Variants in CDS1 observed in about 807,000 individuals in gnomAD.
The protein encoded by CDS1 is phosphatidate cytidylyltransferase 1.
A neutral mutation model predicts 62.1 loss-of-function variants in CDS1; 41 were observed. The ratio of observed to expected loss-of-function variants is 0.66; its 90% CI spans 0.51 to 0.86. CDS1 has a LOEUF of 0.86. Among genes scored for constraint, CDS1 ranks in the 40% least tolerant of loss-of-function variants. CDS1 has a pLI of 0.00. For synonymous variants in CDS1, 185 were observed against 192.6 expected (o/e 0.96, Z 0.32); for missense variants, 470 against 550.1 (o/e 0.85, Z 1.46).
At chr4:84,646,327 AT>A (rs763375158) in intron 12 of CDS1, among the ~76,000 whole-genome samples, 29 of 151,698 alleles carry the variant, frequency 1.9e-4, no homozygotes, top group Non-Finnish European at 3.7e-4. Context: ...TACCTCATTG[AT>A]TTCTCCTCTC....
intron 1 of CDS1, among the ~76,000 whole-genome samples, chr4:84,594,699 C>T (rs183606325): frequency 6.6e-6 from 1 of 152,040 alleles, no homozygotes; most frequent in Non-Finnish European, 1.5e-5. Context: ...CATCAGCATA[C>T]CTAGGACTTA....
chr4:84,607,320 G>A (rs1434511027), intron 2 of CDS1, among the ~76,000 whole-genome samples: 1 of 151,442 alleles, frequency 6.6e-6, no homozygotes, highest in Non-Finnish European at 1.5e-5. Context: ...ATCTTGCTCT[G>A]CCACCCAGGC....
intron 2 of CDS1, among the ~76,000 whole-genome samples, chr4:84,606,574 C>T (rs973805214): frequency 1.3e-5 from 2 of 152,108 alleles, no homozygotes; most frequent in African/African-American, 4.8e-5. Flanking sequence ...TTAAAAATAC[C>T]TCTACATTAA....
chr4:84,592,091 A>G (rs903015700), intron 1 of CDS1, among the ~76,000 whole-genome samples: 2 of 151,676 alleles, frequency 1.3e-5, no homozygotes, highest in Non-Finnish European at 2.9e-5. Context: ...TTATTTAATG[A>G]GAATGACATC....
chr4:84,584,288 A>G (rs1025162292), intron 1 of CDS1, among the ~76,000 whole-genome samples: 1 of 152,244 alleles, frequency 6.6e-6, no homozygotes, highest in African/African-American at 2.4e-5. Context: ...TAGTGGTGCA[A>G]GTAAGAACTT....
At chr4:84,624,307 A>T (rs1005559026) in intron 5 of CDS1, among the ~76,000 whole-genome samples, 2 of 148,390 alleles carry the variant, frequency 1.3e-5, no homozygotes, top group African/African-American at 5.0e-5. Context: ...AAAAAAAACT[A>T]GTTTTTTTTT....
chr4:84,643,621 T>A (rs3789144), intron 11 of CDS1, among the ~76,000 whole-genome samples: 29,569 of 152,196 alleles, frequency 0.19, 3,089 homozygotes, highest in South Asian at 0.37. Flanking sequence ...CTATCAAAGC[T>A]TCTCAACCCT....
intron 2 of CDS1, among the ~76,000 whole-genome samples, chr4:84,607,442 G>A (rs1316838997): frequency 3.7e-5 from 1 of 26,960 alleles, no homozygotes; most frequent in Non-Finnish European, 7.6e-5. Flanking sequence ...CACTCCCCCC[G>A]CCCCTCAGTA....
chr4:84,609,798 C>A (rs11939816), intron 3 of CDS1, among the ~76,000 whole-genome samples: 11,359 of 152,076 alleles, frequency 0.075, 743 homozygotes, highest in African/African-American at 0.18. Context: ...CATATTTTAT[C>A]AAAGATATGA....
At chr4:84,589,603 T>C (rs570149082) in intron 1 of CDS1, among the ~76,000 whole-genome samples, 15 of 152,358 alleles carry the variant, frequency 9.8e-5, no homozygotes, top group African/African-American at 3.6e-4. Flanking sequence ...GCTTTTATCA[T>C]GCACAGCATA....
At chr4:84,620,158 T>G (rs569883107) in intron 5 of CDS1, among the ~76,000 whole-genome samples, 219 of 151,780 alleles carry the variant, frequency 1.4e-3, no homozygotes, top group Non-Finnish European at 2.7e-3. Flanking sequence ...ACATATATAT[T>G]GCTTTATTTG....
Position 84,638,999 on chromosome 4 carries a change from A to T in CDS1, c.879+7A>T. 1 of 1,432,664 alleles carries T rather than the reference A, an allele frequency of 7.0e-7. No homozygotes were observed. Among genetic ancestry groups the T allele is most frequent in the Non-Finnish European group, 9.6e-7 (1 of 1,044,174 alleles). The allele number at this position is 1,432,664 out of a possible 1,614,324, so 88.7% of individuals were successfully genotyped here. On this transcript the variant is annotated splice_region_variant and intron_variant, in intron 9 of 12. Transcript: ENST00000295887. ...AGTTGTGTTTGGATTCATTGTGAGTATTACTAAGATTTTTATTTTGTATAC... is the reference window on the plus strand; with the variant it reads ...AGTTGTGTTTGGATTCATTGTGAGTTTTACTAAGATTTTTATTTTGTATAC...
At chr4:84,600,659 C>G (rs977134584) in intron 1 of CDS1, among the ~76,000 whole-genome samples, 1 of 152,164 alleles carries the variant, frequency 6.6e-6, no homozygotes, top group African/African-American at 2.4e-5. Context: ...TCTATTTTGT[C>G]AATACCACAT....
At chr4:84,630,932 A>G (rs1322582441) in intron 5 of CDS1, among the ~76,000 whole-genome samples, 4 of 152,192 alleles carry the variant, frequency 2.6e-5, no homozygotes, top group African/African-American at 9.6e-5. Context: ...GTTTACTGGT[A>G]TTTTTGGCAA....
At chr4:84,634,819 A>G (rs558312847) in intron 7 of CDS1, among the ~76,000 whole-genome samples, 1 of 152,320 alleles carries the variant, frequency 6.6e-6, no homozygotes, top group East Asian at 1.9e-4. Context: ...GCTAAGATAG[A>G]ATTAAAATTA....
Position 84,640,996 on chromosome 4 carries a change from G to A in CDS1, c.1032+6G>A. On this transcript the variant is annotated splice_donor_region_variant and intron_variant, in intron 10 of 12. Transcript: ENST00000295887. ...TAAAGGCAGTCTTGAGACAGGTACA[G>A]TAAAAGTTCAAGATAAACATGGTTA... 4.5e-6 allele frequency: 7 copies of A among 1,541,060 alleles called. No individual in the cohort carries two copies. Among genetic ancestry groups the A allele is most frequent in the Non-Finnish European group, 6.1e-6 (7 of 1,144,900 alleles).
Position 84,583,529 on chromosome 4 carries a change from C to G in CDS1, c.117+11C>G, listed in dbSNP as rs1228859146. 3 of 1,468,742 alleles carry G rather than the reference C, an allele frequency of 2.0e-6. No homozygotes were observed. In the African/African-American group the frequency reaches 4.4e-5, roughly 22 times the overall value. The allele number at this position is 1,468,742 out of a possible 1,614,324, so 91.0% of individuals were successfully genotyped here. Reference sequence around the variant, plus strand: ...AGCACCAGCGACAAAGTAAGTGGAGCCGAGAGAGGCGGACGCCGCGCCCTG... The same window carrying G: ...AGCACCAGCGACAAAGTAAGTGGAGGCGAGAGAGGCGGACGCCGCGCCCTG... On this transcript the variant is annotated intron_variant, in intron 1 of 12. Transcript: ENST00000295887.
rs913301559 is a variant in CDS1 at position 84,595,147 on chromosome 4, C to T, written c.118-9096C>T. On this transcript the variant is annotated intron_variant, in intron 1 of 12. Coordinates refer to ENST00000295887, the MANE Select transcript of CDS1 (RefSeq NM_001263.4). The stretch of plus-strand genomic sequence containing the variant: ...AAGAGGGAGAGTCCAGTAGCAGCCT[C>T]AGATGACTGGCTAAAGGTGATAAAA... Among the ~76,000 whole-genome samples the T allele has an allele frequency of 5.9e-5, 9 of 152,272 alleles. No homozygotes were observed. In the South Asian group the frequency reaches 1.2e-3, roughly 21 times the overall value.
chr4:84,585,590 T>C (rs1272151772), intron 1 of CDS1, among the ~76,000 whole-genome samples: 1 of 152,208 alleles, frequency 6.6e-6, no homozygotes, highest in Admixed American at 6.5e-5. Context: ...AAGGCAAAAC[T>C]CTTGGGGAAT....
Sources: allele counts gnomAD v4.1 joint callset (sites outside exome capture counted in the v4.1 genomes callset), GRCh38; gene constraint gnomAD v4.1.1; transcripts MANE v1.5; gene names NCBI Gene and HGNC (gene_info 2026-07-23, HGNC 2026-07-21).